ARMC1: variants seen among roughly 807,000 people sequenced by gnomAD.
ARMC1 encodes armadillo repeat-containing protein 1.
Under a neutral mutation model 31.4 loss-of-function variants are expected in ARMC1, and 16 were observed. That is an observed-to-expected ratio of 0.51 (90% CI 0.34 to 0.77). The LOEUF is 0.77. ARMC1 is among the 30% of genes least tolerant of loss of function. ARMC1 has a pLI of 0.01. For missense variants in ARMC1, 259 were observed against 347.5 expected (o/e 0.75, Z 2.02); for synonymous variants, 114 against 118.9 (o/e 0.96, Z 0.27).
At chr8:65,622,994 C>T (rs1287018798) in intron 2 of ARMC1, among the ~76,000 whole-genome samples, 4 of 144,146 alleles carry the variant, frequency 2.8e-5, no homozygotes, top group Non-Finnish European at 4.5e-5. Context: ...AACAGCGAGA[C>T]TCCATCTCAA....
intron 1 of ARMC1, among the ~76,000 whole-genome samples, chr8:65,629,841 C>T (rs1452856196): frequency 6.7e-6 from 1 of 148,238 alleles, no homozygotes; most frequent in Non-Finnish European, 1.5e-5. Context: ...AGTATATTCT[C>T]GGTCTTAAAA....
chr8:65,629,529 G>A (rs762227665), intron 1 of ARMC1, among the ~76,000 whole-genome samples: 24 of 152,064 alleles, frequency 1.6e-4, no homozygotes, highest in East Asian at 5.8e-4. Flanking sequence ...AGATGGGCGC[G>A]GTGGCTCACA....
At chr8:65,632,721 G>C (rs1310332984) in intron 1 of ARMC1, among the ~76,000 whole-genome samples, 1 of 152,214 alleles carries the variant, frequency 6.6e-6, no homozygotes, top group African/African-American at 2.4e-5. Context: ...TGGTACTCCA[G>C]GGGTTGAGGC....
chr8:65,614,418 A>T (rs1585708096), intron 3 of ARMC1, among the ~76,000 whole-genome samples: 2 of 152,250 alleles, frequency 1.3e-5, no homozygotes, highest in East Asian at 3.9e-4. Context: ...TAGTGCAACT[A>T]AAAAAAATTA....
Position 65,603,606 on chromosome 8 carries a change from T to A in ARMC1, c.*788A>T, listed in dbSNP as rs1807939430. Reference sequence around the variant, plus strand: ...AGACCATTTATAGTTGTTTGCAATATCATGATCACATTAACTCTCAAGAAT... The same window carrying A: ...AGACCATTTATAGTTGTTTGCAATAACATGATCACATTAACTCTCAAGAAT... On this transcript the variant is annotated 3_prime_UTR_variant, in exon 7 of 7. Transcript: ENST00000276569. The A allele has an allele frequency of 6.6e-6, 1 of 152,186 alleles. No homozygotes were observed. Among genetic ancestry groups the A allele is most frequent in the African/African-American group, 2.4e-5 (1 of 41,446 alleles). The allele number at this position is 152,186 out of a possible 1,614,324, so 9.4% of individuals were successfully genotyped here.
chr8:65,623,986 T>C (rs1808458431), intron 2 of ARMC1, among the ~76,000 whole-genome samples: 1 of 150,908 alleles, frequency 6.6e-6, no homozygotes, highest in South Asian at 2.1e-4. Context: ...TTAGTAATGA[T>C]GGGTTTTTGC....
intron 3 of ARMC1, among the ~76,000 whole-genome samples, chr8:65,618,146 C>T (rs1808314748): frequency 6.6e-6 from 1 of 152,078 alleles, no homozygotes; most frequent in African/African-American, 2.4e-5. Flanking sequence ...GAACTCCTGA[C>T]CTCGTGATAC....
At chr8:65,615,477 G>T (rs1255619631) in intron 3 of ARMC1, among the ~76,000 whole-genome samples, 1 of 151,684 alleles carries the variant, frequency 6.6e-6, no homozygotes, top group Non-Finnish European at 1.5e-5. Context: ...GGCTGAGGTG[G>T]GTGGATCACC....
intron 1 of ARMC1, among the ~76,000 whole-genome samples, chr8:65,630,174 A>G (rs575452582): frequency 6.6e-6 from 1 of 152,098 alleles, no homozygotes; most frequent in African/African-American, 2.4e-5. Context: ...CGCTGTGAGT[A>G]AATTTCAAGT....
Position 65,604,326 on chromosome 8 carries a change from C to A in ARMC1, c.*68G>T. Reference sequence around the variant, plus strand: ...ATAACTTATTGCAAATTGCACTTGACAGTTCACCACAACAATGGAAAACTG... The same window carrying A: ...ATAACTTATTGCAAATTGCACTTGAAAGTTCACCACAACAATGGAAAACTG... On this transcript the variant is annotated 3_prime_UTR_variant, in exon 7 of 7. Transcript: ENST00000276569. The A allele has an allele frequency of 1.4e-6, 2 of 1,449,004 alleles. No homozygotes were observed. The highest frequency in any genetic ancestry group is 1.3e-5 in the South Asian group (1 of 77,160). 89.8% of individuals were successfully genotyped at this position (1,449,004 alleles called of 1,614,324 possible). A position where few individuals can be genotyped will look rare whatever the true frequency, so the allele number is the denominator to read the frequency against.
In ARMC1 at chr8:65,622,284, C is replaced by T. The variant is rs1808409986; in HGVS notation, c.254G>A (p.Ser85Asn). Reference sequence around the variant, plus strand: ...TTACTTCTGTATAACATTTTGTAAGCTCAACATCATACCCAGTTCTCCTTT... The same window carrying T: ...TTACTTCTGTATAACATTTTGTAAGTTCAACATCATACCCAGTTCTCCTTT... ...KMKGELGMML[S>N]LQNVIQKTTT... Residue 85 changes from serine (S) to asparagine (N), a missense_variant, in exon 3 of 7, where the codon AGC (serine) becomes AAC (asparagine). Coordinates refer to ENST00000276569, the MANE Select transcript of ARMC1 (RefSeq NM_018120.6). 6 of 1,613,660 alleles carry T rather than the reference C, an allele frequency of 3.7e-6. No individual in the cohort carries two copies. The highest frequency in any genetic ancestry group is 1.7e-5 in the Admixed American group (1 of 59,990).
intron 3 of ARMC1, among the ~76,000 whole-genome samples, chr8:65,616,652 G>T (rs1350128560): frequency 2.0e-5 from 3 of 150,204 alleles, no homozygotes; most frequent in Admixed American, 6.6e-5. Flanking sequence ...AGTGAGGAGC[G>T]CCTCTTCCCG....
chr8:65,621,399 TTAATTA>T (rs1181667847), intron 3 of ARMC1, among the ~76,000 whole-genome samples: 3 of 152,196 alleles, frequency 2.0e-5, no homozygotes, highest in Non-Finnish European at 4.4e-5. Flanking sequence ...TCACACTATT[TTAATTA>T]TAAACTTAAG....
chr8:65,616,881 G>A (rs1486655941), intron 3 of ARMC1, among the ~76,000 whole-genome samples: 1 of 150,984 alleles, frequency 6.6e-6, no homozygotes, highest in Non-Finnish European at 1.5e-5. Flanking sequence ...GAGAAGTGAG[G>A]AGCCCCTCCG....
chr8:65,625,874 A>AT (rs1201291018), intron 2 of ARMC1, among the ~76,000 whole-genome samples: 1 of 151,742 alleles, frequency 6.6e-6, no homozygotes, highest in Non-Finnish European at 1.5e-5. Flanking sequence ...CAAAACATTA[A>AT]TTTTTTTAAC....
At chr8:65,625,918 C>T (rs1462941278) in intron 2 of ARMC1, among the ~76,000 whole-genome samples, 13 of 136,904 alleles carry the variant, frequency 9.5e-5, no homozygotes, top group Middle Eastern at 4.2e-3. Context: ...GACGGAGTTT[C>T]ACTCTTGTTG....
rs144450258 is a variant in ARMC1 at position 65,606,656 on chromosome 8, C to T, written c.466-1118G>A. The stretch of plus-strand genomic sequence containing the variant: ...CCCTTCAATACTTCAATGCAGGGTA[C>T]TACATTATCCTGGTCTTCCACTTTC... On this transcript the variant is annotated intron_variant, in intron 4 of 6. Coordinates refer to ENST00000276569, the MANE Select transcript of ARMC1 (RefSeq NM_018120.6). 3.8e-4 allele frequency among the ~76,000 whole-genome samples: 58 copies of T among 152,280 alleles called. 1 individual carries two copies. The East Asian group carries it at 7.9e-3, about 21-fold the overall frequency.
At chr8:65,615,346 C>A (rs2129042099) in intron 3 of ARMC1, among the ~76,000 whole-genome samples, 1 of 138,740 alleles carries the variant, frequency 7.2e-6, no homozygotes, top group Non-Finnish European at 1.5e-5. Context: ...TAACCAAGAA[C>A]AAGTTATAAA....
intron 4 of ARMC1, 23 bp downstream of exon 4, chr8:65,613,221 C>T: frequency 6.5e-7 from 1 of 1,536,292 alleles, no homozygotes. Flanking sequence ...CATGATTTCT[C>T]TTTCCCATCT....
Sources: allele counts gnomAD v4.1 joint callset (sites outside exome capture counted in the v4.1 genomes callset), GRCh38; gene constraint gnomAD v4.1.1; transcripts MANE v1.5; gene names NCBI Gene and HGNC (gene_info 2026-07-23, HGNC 2026-07-21).